Variants in PLA2G4A observed in about 807,000 individuals in gnomAD.
The protein encoded by PLA2G4A is cytosolic phospholipase A2.
In PLA2G4A, 40 loss-of-function variants were observed where a neutral mutation model predicts 81.9. The observed-to-expected ratio is 0.49, with a 90% CI of 0.38 to 0.64. The LOEUF (loss-of-function observed/expected upper bound fraction) is 0.64, where lower values mean the gene tolerates loss of function less well. Among genes scored for constraint, PLA2G4A ranks in the 30% least tolerant of loss-of-function variants. The pLI is 0.00. For missense variants in PLA2G4A, 715 were observed against 905.1 expected, an observed-to-expected ratio of 0.79 and a Z score of 2.69; for synonymous variants, 302 against 296.9, an observed-to-expected ratio of 1.02 and a Z score of -0.18.
At chr1:186,884,181 A>G (rs913365295) in intron 3 of PLA2G4A, among the ~76,000 whole-genome samples, 2 of 152,086 alleles carry the variant, frequency 1.3e-5, no homozygotes, top group African/African-American at 4.8e-5. Context: ...TGAATACATT[A>G]TTAAATTATA....
At chr1:186,942,867 C>T (rs534992057) in intron 10 of PLA2G4A, among the ~76,000 whole-genome samples, 4 of 152,202 alleles carry the variant, frequency 2.6e-5, no homozygotes, top group African/African-American at 7.2e-5. Flanking sequence ...CATTGTTAAG[C>T]TTCTGTCATA....
At chr1:186,937,466 T>C (rs1655993810) in intron 8 of PLA2G4A, among the ~76,000 whole-genome samples, 1 of 152,010 alleles carries the variant, frequency 6.6e-6, no homozygotes, top group African/African-American at 2.4e-5. Context: ...TTCGTGATTA[T>C]ACTAAGTTGA....
intron 1 of PLA2G4A, among the ~76,000 whole-genome samples, chr1:186,842,446 A>C (rs1351036329): frequency 6.6e-6 from 1 of 152,142 alleles, no homozygotes; most frequent in Non-Finnish European, 1.5e-5. Context: ...GCTTTGTTTA[A>C]CTGCTGTGTT....
At chr1:186,835,514 C>A (rs1651746913) in intron 1 of PLA2G4A, among the ~76,000 whole-genome samples, 1 of 152,180 alleles carries the variant, frequency 6.6e-6, no homozygotes, top group African/African-American at 2.4e-5. Flanking sequence ...TCTGTATAGA[C>A]TGCTGCGTCT....
chr1:186,934,261 A>G (rs924960313), intron 8 of PLA2G4A, among the ~76,000 whole-genome samples: 2 of 151,868 alleles, frequency 1.3e-5, no homozygotes, highest in Non-Finnish European at 2.9e-5. Flanking sequence ...TACTTTCTTA[A>G]ACTCATCTAA....
At chr1:186,876,983 A>C (rs1255454707) in intron 3 of PLA2G4A, among the ~76,000 whole-genome samples, 1 of 152,094 alleles carries the variant, frequency 6.6e-6, no homozygotes, top group East Asian at 1.9e-4. Flanking sequence ...CCTTGGAAAA[A>C]GGAGCTTAGA....
At chr1:186,865,574 C>T (rs1652995584) in intron 2 of PLA2G4A, among the ~76,000 whole-genome samples, 1 of 152,162 alleles carries the variant, frequency 6.6e-6, no homozygotes, top group African/African-American at 2.4e-5. Context: ...GTTCAGTAAT[C>T]ACACATCATA....
At chr1:186,941,621 A>C (rs1272386899) in intron 10 of PLA2G4A, among the ~76,000 whole-genome samples, 2 of 152,114 alleles carry the variant, frequency 1.3e-5, no homozygotes, top group Non-Finnish European at 2.9e-5. Flanking sequence ...GGTTTCAAAA[A>C]TCCTTTGTTC....
chr1:186,925,355 A>G lies in PLA2G4A; in HGVS notation c.559-7408A>G, dbSNP rs141503462. On this transcript the variant is annotated intron_variant, in intron 7 of 17. Transcript: ENST00000367466. ...CCCACTTTCTTTTTACAATGAATTCAGAGTGAATGTTTCAAAACAGAAACC... is the reference window on the plus strand; with the variant it reads ...CCCACTTTCTTTTTACAATGAATTCGGAGTGAATGTTTCAAAACAGAAACC... Among the ~76,000 whole-genome samples, 352 of 152,334 alleles carry G rather than the reference A, an allele frequency of 2.3e-3. 2 individuals are homozygous for G. Among genetic ancestry groups the G allele is most frequent in the African/African-American group, 8.1e-3 (337 of 41,578 alleles).
At chr1:186,902,889 AAAAAGAAAAAAG>A (rs1336132594) in intron 5 of PLA2G4A, among the ~76,000 whole-genome samples, 1 of 151,708 alleles carries the variant, frequency 6.6e-6, no homozygotes, top group Non-Finnish European at 1.5e-5. Context: ...CAAAAAAAAA[AAAAAGAAAAAAG>A]AAAAGAAAAA....
In PLA2G4A at chr1:186,834,449, T is replaced by C. The variant is rs563036396; in HGVS notation, c.-70+5414T>C. Among the ~76,000 whole-genome samples the C allele has an allele frequency of 9.1e-4, 138 of 152,224 alleles. 1 individual carries two copies. Among genetic ancestry groups the C allele is most frequent in the African/African-American group, 3.1e-3 (128 of 41,536 alleles). ...GTATTTAAATGTTTAAATATATTGGTTTATATTTTTAGTTTTAATGTGTAT... is the reference window on the plus strand; with the variant it reads ...GTATTTAAATGTTTAAATATATTGGCTTATATTTTTAGTTTTAATGTGTAT... On this transcript the variant is annotated intron_variant, in intron 1 of 17. Transcript: ENST00000367466.
rs763845175 is a variant in PLA2G4A at position 186,939,077 on chromosome 1, A to G, written c.765A>G (p.Leu255=). 1 of 1,611,384 alleles carries G rather than the reference A, an allele frequency of 6.2e-7. No homozygotes were observed. The highest frequency in any genetic ancestry group is 8.5e-7 in the Non-Finnish European group (1 of 1,177,636). ...EKGPEEINEE[L]MKNVSHNPLL... is the part of the protein sequence containing the mutation. ...GGCCAGAGGAGATTAATGAAGAACTAATGAAAAATGTTAGCCACAATCCCC... is the reference window on the plus strand; with the variant it reads ...GGCCAGAGGAGATTAATGAAGAACTGATGAAAAATGTTAGCCACAATCCCC... The change falls in exon 9 of 18, where the codon CTA becomes CTG. Residue 255 remains leucine, a synonymous_variant. Coordinates refer to ENST00000367466, the MANE Select transcript of PLA2G4A (RefSeq NM_024420.3).
At position 186,930,764 on chromosome 1, in the gene PLA2G4A, A is replaced by C. The variant is rs932158975; in HGVS notation, c.559-1999A>C. Among the ~76,000 whole-genome samples, 111 of 152,218 alleles carry C rather than the reference A, an allele frequency of 7.3e-4. 2 individuals are homozygous for C. Among genetic ancestry groups the C allele is most frequent in the African/African-American group, 2.6e-3 (109 of 41,540 alleles). On this transcript the variant is annotated intron_variant, in intron 7 of 17. Transcript: ENST00000367466. ...TTAATCTTGAAATTGTTTTTCCTCA[A>C]TGCCCTTCGTAATCCTATTTTCCCA...
intron 14 of PLA2G4A, among the ~76,000 whole-genome samples, chr1:186,957,622 T>C (rs1036829934): frequency 6.6e-6 from 1 of 152,224 alleles, no homozygotes; most frequent in African/African-American, 2.4e-5. Flanking sequence ...AGCCAGCCTG[T>C]AGTGTTCACT....
intron 7 of PLA2G4A, 150 bp downstream of exon 7, chr1:186,911,539 A>G (rs967916784): frequency 3.9e-5 from 27 of 683,866 alleles, no homozygotes; most frequent in South Asian, 6.6e-5. Context: ...TGTAAATGAA[A>G]ACTCTTTGAG....
chr1:186,955,892 A>C (rs5007828), intron 13 of PLA2G4A, among the ~76,000 whole-genome samples: 143,411 of 149,726 alleles, frequency 0.96, 68,725 homozygotes, highest in East Asian at 1. Flanking sequence ...CGCCACCATG[A>C]CCAGCTAATT....
At chr1:186,879,110 T>C (rs1419799547) in intron 3 of PLA2G4A, among the ~76,000 whole-genome samples, 3 of 151,896 alleles carry the variant, frequency 2.0e-5, no homozygotes, top group Non-Finnish European at 4.4e-5. Context: ...GGTCTGAGGG[T>C]CTCTGTAAAT....
At chr1:186,967,543 G>T (rs1429178071) in intron 15 of PLA2G4A, among the ~76,000 whole-genome samples, 1 of 149,542 alleles carries the variant, frequency 6.7e-6, no homozygotes, top group East Asian at 1.9e-4. Context: ...TTGGTTTTTT[G>T]GGGCAAAGAC....
intron 14 of PLA2G4A, among the ~76,000 whole-genome samples, chr1:186,958,780 C>T (rs1283241351): frequency 2.0e-5 from 3 of 151,100 alleles, no homozygotes; most frequent in Non-Finnish European, 4.4e-5. Context: ...TTTCACAGCA[C>T]GAGGTCTACA....
Sources: allele counts gnomAD v4.1 joint callset (sites outside exome capture counted in the v4.1 genomes callset), GRCh38; gene constraint gnomAD v4.1.1; transcripts MANE v1.5; gene names NCBI Gene and HGNC (gene_info 2026-07-23, HGNC 2026-07-21).